The following CSMD1 variants were observed in gnomAD, a reference collection of about 807,000 sequenced individuals.
CSMD1 encodes the protein CUB and Sushi multiple domains 1.
In CSMD1, 213 loss-of-function variants were observed where a neutral mutation model predicts 417.5. The observed-to-expected ratio is 0.51, with a 90% CI of 0.46 to 0.57. The LOEUF (loss-of-function observed/expected upper bound fraction) is 0.57. Ranked by LOEUF, CSMD1 falls within the 20% of genes least tolerant of loss-of-function variation. CSMD1 has a pLI of 0.00. For synonymous variants in CSMD1, 2,862 were observed against 1,736.8 expected (o/e 1.65, Z -16.11); for missense variants, 6,923 against 4,529.7 (o/e 1.53, Z -15.17).
intron 3 of CSMD1, among the ~76,000 whole-genome samples, chr8:4,379,189 C>T (rs1311356148): frequency 1.3e-5 from 2 of 152,138 alleles, no homozygotes; most frequent in South Asian, 2.1e-4. Flanking sequence ...CTGTAGTATT[C>T]TGCCCCCAAG....
At chr8:3,566,198 G>A (rs1021891777) in intron 10 of CSMD1, among the ~76,000 whole-genome samples, 4 of 151,986 alleles carry the variant, frequency 2.6e-5, no homozygotes, top group Non-Finnish European at 5.9e-5. Context: ...GAAAAGACAA[G>A]GAAAAGGAGG....
At chr8:3,160,005 T>C (rs1819784127) in intron 38 of CSMD1, among the ~76,000 whole-genome samples, 1 of 152,198 alleles carries the variant, frequency 6.6e-6, no homozygotes, top group African/African-American at 2.4e-5. Flanking sequence ...GGAAACATGA[T>C]ATTTACCTGA....
At chr8:3,323,621 G>A (rs1563272293) in intron 23 of CSMD1, among the ~76,000 whole-genome samples, 2 of 152,166 alleles carry the variant, frequency 1.3e-5, no homozygotes, top group Non-Finnish European at 1.5e-5. Flanking sequence ...AGTACTAAGA[G>A]TTTTCAAAAA....
chr8:3,788,946 T>C (rs544569759), intron 5 of CSMD1, among the ~76,000 whole-genome samples: 27 of 152,304 alleles, frequency 1.8e-4, no homozygotes, highest in African/African-American at 4.8e-4. Flanking sequence ...CTAGACAGTA[T>C]TGTAGAATTT....
intron 1 of CSMD1, among the ~76,000 whole-genome samples, chr8:4,796,056 G>C (rs1034356479): frequency 3.3e-5 from 5 of 152,136 alleles, no homozygotes; most frequent in Non-Finnish European, 7.3e-5. Context: ...CACTCACCAG[G>C]AGAGCCACTG....
At chr8:2,946,884 C>A (rs1308535153) in intron 68 of CSMD1, among the ~76,000 whole-genome samples, 1 of 152,150 alleles carries the variant, frequency 6.6e-6, no homozygotes, top group Non-Finnish European at 1.5e-5. Flanking sequence ...TCCTTGCCAC[C>A]CTTTGCGATT....
At chr8:4,158,211 T>C (rs1430694664) in intron 3 of CSMD1, among the ~76,000 whole-genome samples, 5 of 152,022 alleles carry the variant, frequency 3.3e-5, no homozygotes, top group African/African-American at 9.7e-5. Flanking sequence ...CATACTTATT[T>C]TGGCACCATT....
intron 1 of CSMD1, among the ~76,000 whole-genome samples, chr8:4,727,696 C>T (rs1809547491): frequency 6.6e-6 from 1 of 152,042 alleles, no homozygotes; most frequent in Non-Finnish European, 1.5e-5. Flanking sequence ...CTTGCAAAGG[C>T]AAATTCCTGT....
chr8:3,799,248 A>G (rs1800328326), intron 5 of CSMD1, among the ~76,000 whole-genome samples: 1 of 150,734 alleles, frequency 6.6e-6, no homozygotes, highest in South Asian at 2.1e-4. Flanking sequence ...TTCTTTGATC[A>G]CAGCATTTTT....
At chr8:3,255,557 C>G (rs1800589272) in intron 26 of CSMD1, among the ~76,000 whole-genome samples, 1 of 152,232 alleles carries the variant, frequency 6.6e-6, no homozygotes, top group South Asian at 2.1e-4. Flanking sequence ...CTACTCAAGC[C>G]TGTGCAATGG....
At chr8:4,833,794 T>C (rs574252708) in intron 1 of CSMD1, among the ~76,000 whole-genome samples, 1 of 152,206 alleles carries the variant, frequency 6.6e-6, no homozygotes, top group Admixed American at 6.5e-5. Context: ...CATGGAAGGA[T>C]AGATCAGCTG....
At chr8:3,686,811 G>A (rs931004026) in intron 7 of CSMD1, among the ~76,000 whole-genome samples, 1 of 152,182 alleles carries the variant, frequency 6.6e-6, no homozygotes, top group African/African-American at 2.4e-5. Flanking sequence ...ATTTCCTTAT[G>A]AGGGCTCCCA....
At chr8:4,765,302 G>C (rs1410204088) in intron 1 of CSMD1, among the ~76,000 whole-genome samples, 2 of 152,112 alleles carry the variant, frequency 1.3e-5, no homozygotes, top group East Asian at 3.8e-4. Flanking sequence ...TCTAACTCAG[G>C]GGTAGCAATC....
intron 3 of CSMD1, among the ~76,000 whole-genome samples, chr8:4,346,184 C>A (rs1800769479): frequency 6.6e-6 from 1 of 152,096 alleles, no homozygotes; most frequent in Non-Finnish European, 1.5e-5. Flanking sequence ...CAAATATGGC[C>A]TGCTAATTTA....
intron 9 of CSMD1, among the ~76,000 whole-genome samples, chr8:3,578,874 AG>A (rs1479199913): frequency 6.6e-6 from 1 of 152,252 alleles, no homozygotes; most frequent in Admixed American, 6.5e-5. Flanking sequence ...ACAGTATACC[AG>A]TGCCAAGCCA....
intron 1 of CSMD1, among the ~76,000 whole-genome samples, chr8:4,932,637 T>C (rs1005254431): frequency 2.0e-5 from 3 of 152,214 alleles, no homozygotes; most frequent in African/African-American, 7.2e-5. Flanking sequence ...CGTGTTTCTA[T>C]GCACTTTCAG....
chr8:4,558,326 T>G (rs1206507430), intron 2 of CSMD1, among the ~76,000 whole-genome samples: 1 of 152,212 alleles, frequency 6.6e-6, no homozygotes, highest in East Asian at 1.9e-4. Flanking sequence ...ATTCTTCACT[T>G]TTTTATGATT....
intron 1 of CSMD1, among the ~76,000 whole-genome samples, chr8:4,779,768 G>A (rs1205416656): frequency 6.6e-6 from 1 of 152,162 alleles, no homozygotes; most frequent in Non-Finnish European, 1.5e-5. Flanking sequence ...GCGGTTTGCT[G>A]ATGCCAGAGC....
chr8:4,278,048 C>G (rs1024999086), intron 3 of CSMD1, among the ~76,000 whole-genome samples: 4 of 152,114 alleles, frequency 2.6e-5, no homozygotes, highest in Non-Finnish European at 5.9e-5. Context: ...CGCCCAACCC[C>G]CTTTCCCTAA....
Sources: allele counts gnomAD v4.1 joint callset (sites outside exome capture counted in the v4.1 genomes callset), GRCh38; gene constraint gnomAD v4.1.1; transcripts MANE v1.5; gene names NCBI Gene and HGNC (gene_info 2026-07-23, HGNC 2026-07-21).